UBE2F: variants seen among roughly 807,000 people sequenced by gnomAD.
UBE2F encodes NEDD8-conjugating enzyme UBE2F.
A neutral mutation model predicts 29.6 loss-of-function variants in UBE2F; 5 were observed. That is an observed-to-expected ratio of 0.17 (90% CI 0.09 to 0.36). The LOEUF (loss-of-function observed/expected upper bound fraction) is 0.36. UBE2F is among the 10% of genes least tolerant of loss of function. The pLI, the probability that UBE2F is intolerant of heterozygous loss-of-function variation, is 1.00. For missense variants in UBE2F, 141 were observed against 228.5 expected, an observed-to-expected ratio of 0.62 and a Z score of 2.47; for synonymous variants, 66 against 81.8, an observed-to-expected ratio of 0.81 and a Z score of 1.04.
intron 3 of UBE2F, 124 bp from the exon 4 acceptor site, chr2:237,994,620 C>A: frequency 1.4e-6 from 1 of 707,210 alleles, no homozygotes; most frequent in Non-Finnish European, 2.4e-6. Flanking sequence ...GGAGATCTAC[C>A]AACTTTCCAT....
intron 4 of UBE2F, among the ~76,000 whole-genome samples, chr2:238,014,807 A>G (rs1013716351): frequency 5.3e-5 from 8 of 152,224 alleles, no homozygotes; most frequent in African/African-American, 1.7e-4. Flanking sequence ...GCTTTGATGA[A>G]CAAGGATATG....
At chr2:238,009,365 TAC>T (rs2106373886) in intron 4 of UBE2F, among the ~76,000 whole-genome samples, 1 of 152,358 alleles carries the variant, frequency 6.6e-6, no homozygotes, top group African/African-American at 2.4e-5. Context: ...ATATATGTCT[TAC>T]ATATAGATTA....
chr2:237,982,836 C>G lies in UBE2F; in HGVS notation c.119-5127C>G, dbSNP rs2063405768. 6.6e-6 allele frequency among the ~76,000 whole-genome samples: 1 copy of G among 152,168 alleles called. No individual in the cohort carries two copies. Among genetic ancestry groups the G allele is most frequent in the African/African-American group, 2.4e-5 (1 of 41,442 alleles). On this transcript the variant is annotated intron_variant, in intron 2 of 9. Transcript: ENST00000272930. This position sits in a 1 kb window ranked among gnomAD's most constrained non-coding sequence, Gnocchi z 4.1. ...GTGTTGGGTGGTGTGGTCCGAGGTTCTGTTGTCTTTCTCCATCCTCTGCCT... is the reference window on the plus strand; with the variant it reads ...GTGTTGGGTGGTGTGGTCCGAGGTTGTGTTGTCTTTCTCCATCCTCTGCCT...
chr2:238,038,472 C>T (rs2064769000), intron 9 of UBE2F, among the ~76,000 whole-genome samples: 1 of 152,230 alleles, frequency 6.6e-6, no homozygotes, highest in African/African-American at 2.4e-5. Flanking sequence ...CCACCCCTTG[C>T]AGGCATTCAT....
At chr2:238,006,293 A>T (rs1021675204) in intron 4 of UBE2F, among the ~76,000 whole-genome samples, 18 of 152,208 alleles carry the variant, frequency 1.2e-4, no homozygotes, top group African/African-American at 3.9e-4. Context: ...GCACTAAGCC[A>T]TTCATAAGGG....
chr2:238,028,437 A>G (rs1437132100), intron 6 of UBE2F, among the ~76,000 whole-genome samples: 1 of 152,276 alleles, frequency 6.6e-6, no homozygotes, highest in Non-Finnish European at 1.5e-5. Context: ...ATTAAGATCT[A>G]TATAAGAAAA....
intron 2 of UBE2F, among the ~76,000 whole-genome samples, chr2:237,974,564 A>AGT (rs2063241160): frequency 7.8e-6 from 1 of 128,278 alleles, no homozygotes; most frequent in African/African-American, 3.1e-5. Flanking sequence ...CCCAGGCTGG[A>AGT]GTGCAGTGGT....
At chr2:238,019,052 C>G (rs1384452159) in intron 5 of UBE2F, among the ~76,000 whole-genome samples, 1 of 152,164 alleles carries the variant, frequency 6.6e-6, no homozygotes, top group Non-Finnish European at 1.5e-5. Context: ...CTGTCCTTGT[C>G]TCAGACCTGC....
chr2:237,971,244 G>T (rs562532699), intron 1 of UBE2F, among the ~76,000 whole-genome samples: 1 of 152,200 alleles, frequency 6.6e-6, no homozygotes, highest in Non-Finnish European at 1.5e-5. Flanking sequence ...CTGTTGAAAC[G>T]ATCAGAGTGG....
intron 5 of UBE2F, among the ~76,000 whole-genome samples, chr2:238,024,523 C>T (rs536895970): frequency 6.6e-6 from 1 of 151,918 alleles, no homozygotes; most frequent in African/African-American, 2.4e-5. Context: ...TTTTTTTTCC[C>T]TGGAGAGACA....
At chr2:238,038,312 G>T (rs927975763) in intron 9 of UBE2F, among the ~76,000 whole-genome samples, 1 of 152,168 alleles carries the variant, frequency 6.6e-6, no homozygotes, top group African/African-American at 2.4e-5. Context: ...TAGCAGGGGT[G>T]TGAGGCAGCC....
rs2063078055 is a variant in UBE2F at position 237,967,409 on chromosome 2, G to C, written c.-17+277G>C. 6.6e-6 allele frequency among the ~76,000 whole-genome samples: 1 copy of C among 151,118 alleles called. No individual in the cohort carries two copies. The highest frequency in any genetic ancestry group is 2.1e-4 in the South Asian group (1 of 4,826). On this transcript the variant is annotated intron_variant, in intron 1 of 9. Transcript: ENST00000272930. This position sits in a 1 kb window ranked among gnomAD's most constrained non-coding sequence, Gnocchi z 6.3. ...CCCGGCAGTGAGTGACCGCGGCGGC[G>C]GCGGCGGGGGACGGCCCGCGCCGAG...
At chr2:237,997,047 C>T (rs2063705722) in intron 4 of UBE2F, among the ~76,000 whole-genome samples, 1 of 151,894 alleles carries the variant, frequency 6.6e-6, no homozygotes, top group Non-Finnish European at 1.5e-5. Context: ...CATAGTGAAA[C>T]CTCGTTTCTA....
intron 8 of UBE2F, among the ~76,000 whole-genome samples, chr2:238,034,566 T>A (rs948206738): frequency 3.9e-5 from 6 of 152,238 alleles, no homozygotes; most frequent in African/African-American, 1.2e-4. Flanking sequence ...AACTCATTTA[T>A]CTTAGGTCTA....
At chr2:238,015,621 T>C (rs1300031052) in intron 4 of UBE2F, among the ~76,000 whole-genome samples, 1 of 152,198 alleles carries the variant, frequency 6.6e-6, no homozygotes, top group Non-Finnish European at 1.5e-5. Context: ...TGTTTGAGGC[T>C]AACAACTTGC....
At chr2:237,983,785 G>A (rs1342406985) in intron 2 of UBE2F, among the ~76,000 whole-genome samples, 1 of 152,088 alleles carries the variant, frequency 6.6e-6, no homozygotes, top group African/African-American at 2.4e-5. Flanking sequence ...CACTTCCAAT[G>A]GCCTTTCCCC....
rs1243905394 is a variant in UBE2F, at chr2:237,992,312, TTA to T, written c.149-2428_149-2427del. On this transcript the variant is annotated intron_variant, in intron 3 of 9. Transcript: ENST00000272930. ...CATTGAAACATTTCCCAAGTCAGAA[TTA>T]TATGTTTTTGTTACTTAGAACTCAC... Among the ~76,000 whole-genome samples, 3 of 152,244 alleles carry T rather than the reference TTA, an allele frequency of 2.0e-5. No individual in the cohort carries two copies. The East Asian group carries it at 5.8e-4, about 29-fold the overall frequency.
intron 4 of UBE2F, among the ~76,000 whole-genome samples, chr2:237,995,165 A>G (rs1431907677): frequency 6.6e-6 from 1 of 152,204 alleles, no homozygotes; most frequent in African/African-American, 2.4e-5. Context: ...TTAACCTTTT[A>G]GCCACAGCCT....
rs3054481 is a variant in UBE2F at position 237,999,820 on chromosome 2, C to CTTTTT, written c.214+5029_214+5033dup. On this transcript the variant is annotated intron_variant, in intron 4 of 9. Coordinates refer to ENST00000272930, the MANE Select transcript of UBE2F (RefSeq NM_080678.3). Reference sequence around the variant, plus strand: ...AGATGTTAAGTATTTTGATGTTGTTCTTTTTTTTTTTTTTTTTTTTTTGAG... The same window carrying CTTTTT: ...AGATGTTAAGTATTTTGATGTTGTTCTTTTTTTTTTTTTTTTTTTTTTTTTTTGAG... Among the ~76,000 whole-genome samples the CTTTTT allele has an allele frequency of 2.7e-4, 32 of 119,870 alleles. 1 individual carries two copies. Among genetic ancestry groups the CTTTTT allele is most frequent in the African/African-American group, 9.2e-4 (29 of 31,680 alleles). The allele number at this position is 119,870 out of a possible 152,430, so 78.6% of individuals were successfully genotyped here.
Sources: gnomAD v4.1 joint callset for allele counts (sites outside exome capture counted in the v4.1 genomes callset) on GRCh38, gnomAD v4.1.1 for gene constraint, Gnocchi (gnomAD v3.1) non-coding constraint, MANE v1.5 for transcripts, NCBI Gene and HGNC (gene_info 2026-07-23, HGNC 2026-07-21) for gene names.